Variants in MOB1B observed in about 807,000 individuals in gnomAD.
The protein encoded by MOB1B is MOB1 Mps One Binder homolog B.
A neutral mutation model predicts 24.4 loss-of-function variants in MOB1B; 19 were observed. The observed-to-expected ratio is 0.78, with a 90% CI of 0.54 to 1.14. The LOEUF is 1.14. Ranked by LOEUF, MOB1B falls within the 50% of genes most tolerant of loss-of-function variation. The pLI is 0.00. For synonymous variants in MOB1B, 76 were observed against 82.1 expected, an observed-to-expected ratio of 0.93 and a Z score of 0.40; for missense variants, 243 against 259.6, an observed-to-expected ratio of 0.94 and a Z score of 0.44.
chr4:70,926,443 A>G (rs975195339), intron 1 of MOB1B, among the ~76,000 whole-genome samples: 2 of 152,072 alleles, frequency 1.3e-5, no homozygotes, highest in Admixed American at 1.3e-4. Context: ...TGCTTCTTCC[A>G]TTGGGTTAAT....
chr4:70,902,518 A>G lies in MOB1B; in HGVS notation c.-19A>G, dbSNP rs1735551869. On this transcript the variant is annotated 5_prime_UTR_variant, in exon 1 of 6. Coordinates refer to ENST00000309395, the MANE Select transcript of MOB1B (RefSeq NM_173468.4). ...GAGGCCTCGCGACCGCCGAGCCTGC[A>G]GCCTGCCCCGCGGCCAACATGAGCT... 1 of 1,562,730 alleles carries G rather than the reference A, an allele frequency of 6.4e-7. No individual in the cohort carries two copies. Among genetic ancestry groups the G allele is most frequent in the Admixed American group, 1.9e-5 (1 of 52,872 alleles).
intron 3 of MOB1B, among the ~76,000 whole-genome samples, chr4:70,970,459 ATTTG>A (rs1371136104): frequency 2.0e-5 from 3 of 152,080 alleles, no homozygotes; most frequent in South Asian, 2.1e-4. Context: ...TTGTAATGAA[ATTTG>A]TTTGTTATAT....
chr4:70,968,395 T>G (rs921316296), intron 2 of MOB1B, among the ~76,000 whole-genome samples: 1 of 152,124 alleles, frequency 6.6e-6, no homozygotes, highest in Non-Finnish European at 1.5e-5. Context: ...CACTGCAACC[T>G]CCGCCTCCCA....
chr4:70,950,452 A>AT (rs1326638602), intron 1 of MOB1B, among the ~76,000 whole-genome samples: 1 of 149,848 alleles, frequency 6.7e-6, no homozygotes, highest in Non-Finnish European at 1.5e-5. Flanking sequence ...AAAAAAAAGA[A>AT]TGGTCTTTAG....
chr4:70,981,092 T>TA (rs1739196271), intron 5 of MOB1B, among the ~76,000 whole-genome samples: 2 of 152,220 alleles, frequency 1.3e-5, no homozygotes, highest in Non-Finnish European at 2.9e-5. Flanking sequence ...GAGCATGTTT[T>TA]ACTTAACAAC....
intron 4 of MOB1B, among the ~76,000 whole-genome samples, chr4:70,978,540 C>T (rs1739088744): frequency 6.6e-6 from 1 of 152,170 alleles, no homozygotes; most frequent in South Asian, 2.1e-4. Context: ...TGTGTTCCCA[C>T]CAACAGTATA....
At chr4:70,957,362 A>T (rs1354280759) in intron 1 of MOB1B, among the ~76,000 whole-genome samples, 2 of 151,456 alleles carry the variant, frequency 1.3e-5, no homozygotes, top group Non-Finnish European at 2.9e-5. Flanking sequence ...AATAATGGAC[A>T]GGGGTGACCC....
chr4:70,944,383 C>T (rs1737484166), intron 1 of MOB1B, among the ~76,000 whole-genome samples: 1 of 152,138 alleles, frequency 6.6e-6, no homozygotes, highest in African/African-American at 2.4e-5. Context: ...TTTTTGACCA[C>T]TTCTTCATAT....
chr4:70,909,574 G>A (rs1381896744), intron 1 of MOB1B, among the ~76,000 whole-genome samples: 1 of 152,088 alleles, frequency 6.6e-6, no homozygotes, highest in Admixed American at 6.6e-5. Context: ...GGGACAAAGT[G>A]TTTTAAATAG....
intron 1 of MOB1B, among the ~76,000 whole-genome samples, chr4:70,921,432 G>C (rs1445884486): frequency 1.3e-5 from 2 of 149,358 alleles, no homozygotes; most frequent in South Asian, 4.3e-4. Context: ...AAAAAGAATT[G>C]CCAAACTGCT....
chr4:70,957,105 T>G (rs566669430), intron 1 of MOB1B, among the ~76,000 whole-genome samples: 88 of 150,668 alleles, frequency 5.8e-4, no homozygotes, highest in African/African-American at 1.6e-3. Flanking sequence ...TATGTGTTTT[T>G]TTTTTTTTTT....
At chr4:70,919,833 A>C (rs900663587) in intron 1 of MOB1B, among the ~76,000 whole-genome samples, 23 of 152,196 alleles carry the variant, frequency 1.5e-4, no homozygotes, top group African/African-American at 5.5e-4. Context: ...ATTGCATGTT[A>C]TAATGGCAAC....
intron 1 of MOB1B, among the ~76,000 whole-genome samples, chr4:70,909,643 A>G (rs1192154333): frequency 6.6e-6 from 1 of 152,216 alleles, no homozygotes; most frequent in African/African-American, 2.4e-5. Flanking sequence ...GAGAGGTTAC[A>G]TAATTTTATC....
chr4:70,964,201 A>G (rs1488421690), intron 2 of MOB1B, among the ~76,000 whole-genome samples: 1 of 152,248 alleles, frequency 6.6e-6, no homozygotes, highest in African/African-American at 2.4e-5. Context: ...CTCTTTCAGT[A>G]ACAGATAGAA....
At position 70,928,279 on chromosome 4, in the gene MOB1B, A is replaced by T. The variant is rs1288106717; in HGVS notation, c.14+25729A>T. Among the ~76,000 whole-genome samples the T allele has an allele frequency of 2.0e-5, 3 of 151,418 alleles. No individual in the cohort carries two copies. The South Asian group carries it at 6.3e-4, about 32-fold the overall frequency. ...AACAATTTTTTTTCCTGACTAATCA[A>T]TGACATTTTCAAGAATTTTGTTTTT... On this transcript the variant is annotated intron_variant, in intron 1 of 5. Transcript: ENST00000309395.
chr4:70,972,284 G>T (rs1194442881), intron 3 of MOB1B, among the ~76,000 whole-genome samples: 1 of 151,920 alleles, frequency 6.6e-6, no homozygotes, highest in African/African-American at 2.4e-5. Flanking sequence ...TGCGATCTTG[G>T]CTTACTGCAA....
Position 70,975,153 on chromosome 4 carries a change from A to G in MOB1B, c.276A>G (p.Lys92=). 6.2e-7 allele frequency: 1 copy of G among 1,601,234 alleles called. No homozygotes were observed. Among genetic ancestry groups the G allele is most frequent in the Non-Finnish European group, 8.5e-7 (1 of 1,175,366 alleles). ...ESCPVMSAGP[K]YEYHWADGTN... ...TGTGCTTTTTATCTCTCCAATGCAG[A>G]TATGAGTATCATTGGGCAGATGGAA... The change falls in exon 4 of 6, where the codon AAA becomes AAG. Residue 92 remains lysine, a splice_region_variant and synonymous_variant. Transcript: ENST00000309395.
intron 4 of MOB1B, chr4:70,976,713 A>G: frequency 1.2e-6 from 1 of 867,754 alleles, no homozygotes; most frequent in Non-Finnish European, 1.4e-6. Context: ...AACCACTTGG[A>G]ACTTTTTTAA....
intron 4 of MOB1B, chr4:70,976,801 G>A (rs1367310626): frequency 5.3e-6 from 1 of 187,978 alleles, no homozygotes; most frequent in Non-Finnish European, 8.8e-6. Flanking sequence ...ATAAGGGTTG[G>A]ATGAGTGTCC....
Sources: gnomAD v4.1 joint callset for allele counts (sites outside exome capture counted in the v4.1 genomes callset) on GRCh38, gnomAD v4.1.1 for gene constraint, MANE v1.5 for transcripts, NCBI Gene and HGNC (gene_info 2026-07-23, HGNC 2026-07-21) for gene names.